The following KCNIP4 variants were observed in gnomAD, a reference collection of about 807,000 sequenced individuals.
KCNIP4 encodes potassium voltage-gated channel interacting protein 4.
KCNIP4 carries 12 observed loss-of-function variants against 34.0 expected under a neutral mutation model. The observed-to-expected ratio is 0.35, with a 90% CI of 0.23 to 0.57. The LOEUF (loss-of-function observed/expected upper bound fraction) is 0.57, where lower values mean the gene tolerates loss of function less well. KCNIP4 is among the 20% of genes least tolerant of loss of function. The pLI, the probability that KCNIP4 is intolerant of heterozygous loss-of-function variation, is 0.83. For synonymous variants in KCNIP4, 124 were observed against 102.2 expected, an observed-to-expected ratio of 1.21 and a Z score of -1.29; for missense variants, 238 against 311.7, an observed-to-expected ratio of 0.76 and a Z score of 1.78.
intron 1 of KCNIP4, among the ~76,000 whole-genome samples, chr4:21,106,478 T>C (rs1019654042): frequency 6.6e-6 from 1 of 151,626 alleles, no homozygotes; most frequent in Non-Finnish European, 1.5e-5. Context: ...TCTATTTGAT[T>C]CTTCTCTCTT....
chr4:20,867,851 A>G (rs898769478), intron 2 of KCNIP4, among the ~76,000 whole-genome samples: 1 of 152,048 alleles, frequency 6.6e-6, no homozygotes, highest in Admixed American at 6.6e-5. Context: ...GGACATAGGA[A>G]CAAGAACATC....
At chr4:20,910,899 C>T (rs181651597) in intron 1 of KCNIP4, among the ~76,000 whole-genome samples, 29 of 152,174 alleles carry the variant, frequency 1.9e-4, no homozygotes, top group African/African-American at 6.7e-4. Context: ...TGGTTATTAA[C>T]GGAAGCTTTT....
intron 1 of KCNIP4, among the ~76,000 whole-genome samples, chr4:21,352,635 G>T (rs1043306890): frequency 2.0e-5 from 3 of 152,250 alleles, no homozygotes; most frequent in Non-Finnish European, 4.4e-5. Context: ...AGCCTGAACT[G>T]GGCGGAGCCC....
chr4:21,474,679 G>T (rs1016710110), intron 1 of KCNIP4, among the ~76,000 whole-genome samples: 1 of 152,006 alleles, frequency 6.6e-6, no homozygotes, highest in Non-Finnish European at 1.5e-5. Flanking sequence ...GACTTCACAT[G>T]AGGAGGAAAC....
intron 3 of KCNIP4, among the ~76,000 whole-genome samples, chr4:20,814,336 GTCATCCCT>G (rs1407198609): frequency 5.9e-5 from 9 of 152,154 alleles, no homozygotes; most frequent in Non-Finnish European, 1.3e-4. Flanking sequence ...TCATTTCCTT[GTCATCCCT>G]TCATGATGCT....
intron 2 of KCNIP4, among the ~76,000 whole-genome samples, chr4:20,854,436 G>A (rs1721362283): frequency 6.6e-6 from 1 of 152,164 alleles, no homozygotes; most frequent in African/African-American, 2.4e-5. Context: ...TGTGAGCTAA[G>A]CTATGAGAAC....
chr4:21,915,620 T>A (rs1035404801), intron 1 of KCNIP4, among the ~76,000 whole-genome samples: 5 of 152,200 alleles, frequency 3.3e-5, no homozygotes, highest in African/African-American at 7.2e-5. Context: ...GAGAGAGGTA[T>A]AAACATCTGT....
chr4:21,712,118 C>G (rs540034909), intron 1 of KCNIP4, among the ~76,000 whole-genome samples: 1 of 127,122 alleles, frequency 7.9e-6, no homozygotes, highest in African/African-American at 2.7e-5. Flanking sequence ...CTAGATAAAC[C>G]TGTATTTTAA....
chr4:20,978,569 C>T (rs936996884), intron 1 of KCNIP4, among the ~76,000 whole-genome samples: 7 of 152,128 alleles, frequency 4.6e-5, no homozygotes, highest in African/African-American at 1.7e-4. Flanking sequence ...ATGGTGTTAC[C>T]TCACCCAGCG....
intron 1 of KCNIP4, among the ~76,000 whole-genome samples, chr4:21,200,348 ATGTG>A (rs1181437365): frequency 4.3e-5 from 4 of 93,646 alleles, no homozygotes; most frequent in Non-Finnish European, 6.6e-5. Flanking sequence ...ACATACATAT[ATGTG>A]TGTATATATA....
At chr4:20,767,059 G>T (rs1355464001) in intron 3 of KCNIP4, 3 of 152,136 alleles carry the variant, frequency 2.0e-5, no homozygotes, top group Non-Finnish European at 1.5e-5. Context: ...AATATTAGCT[G>T]TTAGTACCAT....
In KCNIP4 at chr4:20,871,121, C is replaced by T. The variant is rs111438167; in HGVS notation, c.163+11487G>A. Reference sequence around the variant, plus strand: ...GCCTGGGCATTAGAGACAATTTATTCATTTATTCATTAAATATTGATTGAG... The same window carrying T: ...GCCTGGGCATTAGAGACAATTTATTTATTTATTCATTAAATATTGATTGAG... On this transcript the variant is annotated intron_variant, in intron 2 of 8. Coordinates refer to ENST00000382152, the MANE Select transcript of KCNIP4 (RefSeq NM_025221.6). 4.3e-3 allele frequency among the ~76,000 whole-genome samples: 653 copies of T among 152,240 alleles called. 3 individuals carry two copies. The highest frequency in any genetic ancestry group is 6.4e-3 in the African/African-American group (266 of 41,556).
intron 1 of KCNIP4, among the ~76,000 whole-genome samples, chr4:21,715,638 C>A (rs1293670155): frequency 6.6e-6 from 1 of 152,046 alleles, no homozygotes; most frequent in South Asian, 2.1e-4. Flanking sequence ...CACAGTTTAA[C>A]AAATATGAAT....
intron 1 of KCNIP4, among the ~76,000 whole-genome samples, chr4:21,721,202 A>G: frequency 6.6e-6 from 1 of 152,270 alleles, no homozygotes; most frequent in South Asian, 2.1e-4. Context: ...CTAAAAGTAG[A>G]GATTCAGTGA....
rs537098292 is a variant in KCNIP4 at position 21,449,694 on chromosome 4, T to C, written c.61+498877A>G. 2.2e-4 allele frequency among the ~76,000 whole-genome samples: 33 copies of C among 152,046 alleles called. No individual in the cohort carries two copies. The East Asian group carries it at 6.4e-3, about 29-fold the overall frequency. On this transcript the variant is annotated intron_variant, in intron 1 of 8. Transcript: ENST00000382152. The stretch of plus-strand genomic sequence containing the variant: ...TTAAAGTTATTTGTCTCCCTCACCA[T>C]TGCAATATAAACTCCATAAGTGCAG...
chr4:21,509,544 C>T (rs1734126691), intron 1 of KCNIP4, among the ~76,000 whole-genome samples: 1 of 152,084 alleles, frequency 6.6e-6, no homozygotes, highest in Admixed American at 6.5e-5. Flanking sequence ...TGCATTTAAT[C>T]CTCACAATCC....
chr4:21,240,321 A>T (rs1467708941), intron 1 of KCNIP4, among the ~76,000 whole-genome samples: 1 of 138,464 alleles, frequency 7.2e-6, no homozygotes, highest in African/African-American at 3.3e-5. Flanking sequence ...ACATGTATAC[A>T]TATGTAACAA....
intron 1 of KCNIP4, among the ~76,000 whole-genome samples, chr4:21,751,013 G>A (rs192389890): frequency 1.3e-5 from 2 of 152,110 alleles, no homozygotes; most frequent in Non-Finnish European, 1.5e-5. Context: ...TAGGACGTAG[G>A]GGGTGTCTTG....
chr4:21,629,593 G>T (rs1487479384), intron 1 of KCNIP4, among the ~76,000 whole-genome samples: 1 of 152,114 alleles, frequency 6.6e-6, no homozygotes, highest in Non-Finnish European at 1.5e-5. Flanking sequence ...CCCTTTATGA[G>T]ATATTAAAAC....
Sources: gnomAD v4.1 joint callset for allele counts (sites outside exome capture counted in the v4.1 genomes callset) on GRCh38, gnomAD v4.1.1 for gene constraint, MANE v1.5 for transcripts, NCBI Gene and HGNC (gene_info 2026-07-23, HGNC 2026-07-21) for gene names.